Variants in AGTPBP1 observed in about 807,000 individuals in gnomAD.
The protein encoded by AGTPBP1 is cytosolic carboxypeptidase 1.
In AGTPBP1, 70 loss-of-function variants were observed where a neutral mutation model predicts 143.9. The ratio of observed to expected loss-of-function variants is 0.49; its 90% CI spans 0.40 to 0.59. The LOEUF is 0.59. AGTPBP1 is among the 20% of genes least tolerant of loss of function. The pLI is 0.00. For synonymous variants in AGTPBP1, 463 were observed against 500.2 expected (o/e 0.93, Z 0.99); for missense variants, 1,229 against 1,464.5 (o/e 0.84, Z 2.62).
intron 25 of AGTPBP1, among the ~76,000 whole-genome samples, chr9:85,574,424 C>G (rs1827759764): frequency 1.3e-5 from 2 of 150,160 alleles, no homozygotes; most frequent in Non-Finnish European, 3.0e-5. Flanking sequence ...GTCCTATGAC[C>G]CTGCCAAATC....
intron 2 of AGTPBP1, among the ~76,000 whole-genome samples, chr9:85,702,394 T>G (rs962527242): frequency 6.6e-6 from 1 of 152,150 alleles, no homozygotes; most frequent in African/African-American, 2.4e-5. Context: ...TGTGCTTTTA[T>G]AGTATCTACT....
At chr9:85,742,617 T>C (rs1824438832), upstream of AGTPBP1, among the ~76,000 whole-genome samples, 1 of 152,208 alleles carries the variant, frequency 6.6e-6, no homozygotes, top group Admixed American at 6.5e-5. Flanking sequence ...AGCATGCTGA[T>C]TTACTGTTTT....
the AGTPBP1 span, chr9:85,756,192 A>T: frequency 1.3e-5 from 21 of 1,610,154 alleles, no homozygotes; most frequent in South Asian, 2.2e-4. Flanking sequence ...GTTTCTAAGA[A>T]GGAGGCTCTG....
chr9:85,561,086 T>C (rs1826681071), intron 25 of AGTPBP1, among the ~76,000 whole-genome samples: 1 of 152,026 alleles, frequency 6.6e-6, no homozygotes, highest in African/African-American at 2.4e-5. Flanking sequence ...AAGAGACCAT[T>C]TTCGGCCGGG....
chr9:85,800,396 C>G, the AGTPBP1 span, among the ~76,000 whole-genome samples: 1 of 152,308 alleles, frequency 6.6e-6, no homozygotes, highest in South Asian at 2.1e-4. Flanking sequence ...TCACTTCTGG[C>G]TAGTTCTGCC....
intron 13 of AGTPBP1, among the ~76,000 whole-genome samples, chr9:85,640,067 GA>G (rs1438586829): frequency 2.6e-5 from 4 of 152,066 alleles, no homozygotes; most frequent in Admixed American, 2.0e-4. Context: ...AATGAAAGTG[GA>G]AAAAGTCATA....
chr9:85,564,064 A>G (rs939813387), intron 25 of AGTPBP1, among the ~76,000 whole-genome samples: 1 of 152,190 alleles, frequency 6.6e-6, no homozygotes, highest in Admixed American at 6.5e-5. Flanking sequence ...GTAAGGAACC[A>G]CCACAAGGGC....
chr9:85,690,574 T>C (rs567565704), intron 3 of AGTPBP1, among the ~76,000 whole-genome samples: 7 of 151,328 alleles, frequency 4.6e-5, no homozygotes, highest in African/African-American at 1.5e-4. Flanking sequence ...CATTCTCTGA[T>C]AGTGGTAAGG....
At chr9:85,710,270 G>A (rs931754122) in intron 2 of AGTPBP1, among the ~76,000 whole-genome samples, 6 of 151,652 alleles carry the variant, frequency 4.0e-5, no homozygotes, top group Non-Finnish European at 8.8e-5. Flanking sequence ...ACCAAGCTAG[G>A]TAAAAGTATT....
chr9:85,671,350 A>C (rs1834470684), intron 7 of AGTPBP1, among the ~76,000 whole-genome samples: 1 of 151,904 alleles, frequency 6.6e-6, no homozygotes, highest in African/African-American at 2.4e-5. Flanking sequence ...TCTTGACTTT[A>C]CTGGTGTTTA....
the AGTPBP1 span, among the ~76,000 whole-genome samples, chr9:85,804,097 C>T: frequency 6.6e-6 from 1 of 152,090 alleles, no homozygotes; most frequent in Non-Finnish European, 1.5e-5. Flanking sequence ...TTTCTGCTTC[C>T]CTTCACAGAT....
chr9:85,603,702 T>C (rs966280836), intron 17 of AGTPBP1, among the ~76,000 whole-genome samples: 1 of 151,866 alleles, frequency 6.6e-6, no homozygotes, highest in African/African-American at 2.4e-5. Flanking sequence ...ATTTCAGGCC[T>C]TGGCTTCTGG....
chr9:85,630,391 C>CTTACTTACTTACTTACTTATTTATTTAT (rs777830669), intron 14 of AGTPBP1, among the ~76,000 whole-genome samples: 1 of 151,374 alleles, frequency 6.6e-6, no homozygotes, highest in Non-Finnish European at 1.5e-5. Context: ...TACTTACTTA[C>CTTACTTACTTACTTACTTATTTATTTAT]TTATTTATTT....
the AGTPBP1 span, among the ~76,000 whole-genome samples, chr9:85,758,102 A>G: frequency 1.3e-5 from 2 of 151,674 alleles, no homozygotes; most frequent in Non-Finnish European, 2.9e-5. Flanking sequence ...GCCCACATAT[A>G]TGCTGTTACC....
At chr9:85,704,675 T>C (rs61658450) in intron 2 of AGTPBP1, among the ~76,000 whole-genome samples, 2,686 of 152,200 alleles carry the variant, frequency 0.018, 69 homozygotes, top group African/African-American at 0.06. Flanking sequence ...AATACAAAAA[T>C]GTCCAGGACA....
intron 13 of AGTPBP1, among the ~76,000 whole-genome samples, chr9:85,642,158 C>T (rs1832517558): frequency 6.6e-6 from 1 of 152,182 alleles, no homozygotes; most frequent in African/African-American, 2.4e-5. Context: ...CTCTTAGACA[C>T]TTTAAGATCC....
the AGTPBP1 span, among the ~76,000 whole-genome samples, chr9:85,749,812 A>G: frequency 2.0e-5 from 3 of 152,204 alleles, no homozygotes; most frequent in South Asian, 2.1e-4. Context: ...GTATAACAAA[A>G]ATTACAATGT....
chr9:85,656,209 G>A (rs564172155), intron 10 of AGTPBP1, among the ~76,000 whole-genome samples: 2 of 152,244 alleles, frequency 1.3e-5, no homozygotes, highest in African/African-American at 4.8e-5. Flanking sequence ...ATATGAAACC[G>A]TCATATAACA....
upstream of AGTPBP1, among the ~76,000 whole-genome samples, chr9:85,742,987 C>T (rs374072078): frequency 1.3e-5 from 2 of 152,162 alleles, no homozygotes; most frequent in African/African-American, 4.8e-5. Context: ...CACCACAGTG[C>T]TTCTTACAGT....
Sources: gnomAD v4.1 joint callset for allele counts (sites outside exome capture counted in the v4.1 genomes callset) on GRCh38, gnomAD v4.1.1 for gene constraint, MANE v1.5 for transcripts, NCBI Gene and HGNC (gene_info 2026-07-23, HGNC 2026-07-21) for gene names.